Variants in ERCC6 observed in about 807,000 individuals in gnomAD.
ERCC6 encodes DNA excision repair protein ERCC-6.
Under a neutral mutation model 158.7 loss-of-function variants are expected in ERCC6, and 116 were observed. That is an observed-to-expected ratio of 0.73 (90% CI 0.63 to 0.85). The LOEUF (loss-of-function observed/expected upper bound fraction) is 0.85, where lower values mean the gene tolerates loss of function less well. Ranked by LOEUF, ERCC6 falls within the 40% of genes least tolerant of loss-of-function variation. The pLI is 0.00. For synonymous variants in ERCC6, 678 were observed against 659.3 expected, an observed-to-expected ratio of 1.03 and a Z score of -0.43; for missense variants, 1,698 against 1,799.4, an observed-to-expected ratio of 0.94 and a Z score of 1.02.
At chr10:49,463,896 T>C (rs1002873823) in intron 18 of ERCC6, among the ~76,000 whole-genome samples, 1 of 152,180 alleles carries the variant, frequency 6.6e-6, no homozygotes, top group Non-Finnish European at 1.5e-5. Flanking sequence ...CCTCTTTCTT[T>C]TGTAAATTGC....
Position 49,482,731 on chromosome 10 carries a change from C to A in ERCC6, c.2125G>T (p.Val709Phe). The A allele has an allele frequency of 6.2e-7, 1 of 1,613,616 alleles. No homozygotes were observed. Among genetic ancestry groups the A allele is most frequent in the Non-Finnish European group, 8.5e-7 (1 of 1,179,944 alleles). ...GAATATCCCCCCATGGTGATGGGGA[C>A]GGAGAACTGCTCCATAAACACAGGC... ...TLPVFMEQFS[V>F]PITMGGYSNA... Residue 709 changes from valine to phenylalanine, a missense_variant, in exon 10 of 21, where the codon GTC becomes TTC. Val to Phe is a conservative substitution (Grantham distance 50). Transcript: ENST00000355832.
chr10:49,470,426 A>C lies in ERCC6; in HGVS notation c.3534T>G (p.Phe1178Leu). The change falls in exon 18 of 21, where the codon TTT becomes TTG. Residue 1178 changes from phenylalanine (F) to leucine (L), a missense_variant. Physicochemically the swap from Phe to Leu is conservative, Grantham distance 22. Coordinates refer to ENST00000355832, the MANE Select transcript of ERCC6 (RefSeq NM_000124.4). ...GTTTTGTTTTTGACTTGTGCTTATA[A>C]AAATTATTTTCCATTTGTTTATTCT... ...FWENKQMENN[F>L]YKHKSKTKHH... 2 of 1,614,076 alleles carry C rather than the reference A, an allele frequency of 1.2e-6. No homozygotes were observed. The highest frequency in any genetic ancestry group is 1.7e-6 in the Non-Finnish European group (2 of 1,180,012).
At chr10:49,498,955 C>CA (rs1247840185) in intron 7 of ERCC6, among the ~76,000 whole-genome samples, 1 of 152,068 alleles carries the variant, frequency 6.6e-6, no homozygotes, top group African/African-American at 2.4e-5. Context: ...GTCTAGTTAC[C>CA]AAAAACACCC....
chr10:49,451,878 G>C (rs1302541752), downstream of ERCC6, among the ~76,000 whole-genome samples: 1 of 152,026 alleles, frequency 6.6e-6, no homozygotes, highest in African/African-American at 2.4e-5. Flanking sequence ...TATTCTTTGT[G>C]GGCAATTTTC....
intron 7 of ERCC6, among the ~76,000 whole-genome samples, chr10:49,496,733 G>A (rs1457044366): frequency 2.6e-5 from 4 of 152,088 alleles, no homozygotes; most frequent in African/African-American, 4.8e-5. Flanking sequence ...ACTTGAACCC[G>A]GGAGGCGGAG....
chr10:49,521,807 C>T (rs1202779333), intron 5 of ERCC6, among the ~76,000 whole-genome samples: 1 of 152,168 alleles, frequency 6.6e-6, no homozygotes, highest in Non-Finnish European at 1.5e-5. Context: ...AAAGCAGGAT[C>T]CAAAGGGCGA....
intron 8 of ERCC6, among the ~76,000 whole-genome samples, chr10:49,490,472 A>G (rs971617581): frequency 1.3e-5 from 2 of 150,848 alleles, no homozygotes; most frequent in African/African-American, 4.9e-5. Context: ...CTCCTGCCTC[A>G]GCCTCCCGAG....
At chr10:49,483,937 A>G (rs1851030568) in intron 8 of ERCC6, among the ~76,000 whole-genome samples, 1 of 152,140 alleles carries the variant, frequency 6.6e-6, no homozygotes, top group Admixed American at 6.5e-5. Context: ...ATGTATAACA[A>G]GAATTCCAGG....
chr10:49,509,206 G>A (rs142978212), intron 5 of ERCC6, among the ~76,000 whole-genome samples: 1 of 152,264 alleles, frequency 6.6e-6, no homozygotes, highest in African/African-American at 2.4e-5. Flanking sequence ...GATTAAATAA[G>A]GTGTCACATA....
In ERCC6 at chr10:49,470,244, T is replaced by C; in HGVS notation, c.3716A>G (p.Lys1239Arg). 1 of 1,614,172 alleles carries C rather than the reference T, an allele frequency of 6.2e-7. No individual in the cohort carries two copies. The highest frequency in any genetic ancestry group is 1.1e-5 in the South Asian group (1 of 91,068). Residue 1239 changes from lysine (K) to arginine (R), a missense_variant, in exon 18 of 21, where the codon AAG becomes AGG. Lys to Arg is a conservative substitution (Grantham distance 26). Transcript: ENST00000355832. ...ATTGCTCTGTTCCTTGGCCTCACTC[T>C]TGTTTTCACTGTCTTGCTTCTGGTA... ...RRYQKQDSENKSEAKEQSNDD... is the reference protein window; with the variant it reads ...RRYQKQDSENRSEAKEQSNDD...
chr10:49,515,641 C>A, intron 5 of ERCC6: 1 of 1,614,010 alleles, frequency 6.2e-7, no homozygotes, highest in South Asian at 1.1e-5. Context: ...AAGACCAGTT[C>A]GAAACAGAAC....
chr10:49,442,249 C>T, the ERCC6 span, among the ~76,000 whole-genome samples: 1 of 152,370 alleles, frequency 6.6e-6, no homozygotes, highest in Non-Finnish European at 1.5e-5. Context: ...AGGTGGACCC[C>T]CGCCCTCTCG....
At chr10:49,452,219 A>G (rs1469912475), downstream of ERCC6, among the ~76,000 whole-genome samples, 1 of 151,894 alleles carries the variant, frequency 6.6e-6, no homozygotes, top group Non-Finnish European at 1.5e-5. Flanking sequence ...TTTCTTCCTT[A>G]ATACAGGCAT....
At chr10:49,491,501 G>A (rs1378336990) in intron 8 of ERCC6, among the ~76,000 whole-genome samples, 1 of 152,188 alleles carries the variant, frequency 6.6e-6, no homozygotes, top group Non-Finnish European at 1.5e-5. Context: ...AAGTGTCTGT[G>A]AAGGTAAAAC....
At chr10:49,462,848 T>C (rs1048105362) in intron 18 of ERCC6, among the ~76,000 whole-genome samples, 3 of 152,234 alleles carry the variant, frequency 2.0e-5, no homozygotes, top group African/African-American at 7.2e-5. Flanking sequence ...GGGCAACAAC[T>C]GCTCGTGACA....
At position 49,456,989 on chromosome 10, in the gene ERCC6, G is replaced by A. The variant is rs1850493944; in HGVS notation, c.*1826C>T. On this transcript the variant is annotated 3_prime_UTR_variant, in exon 21 of 21. Coordinates refer to ENST00000355832, the MANE Select transcript of ERCC6 (RefSeq NM_000124.4). Reference sequence around the variant, plus strand: ...TTGATAGTATTTGCTACTTGAAGAGGAGGCTATACCTTGTCTAGCTCAATA... The same window carrying A: ...TTGATAGTATTTGCTACTTGAAGAGAAGGCTATACCTTGTCTAGCTCAATA... 1 of 152,172 alleles carries A rather than the reference G, an allele frequency of 6.6e-6. No homozygotes were observed. Among genetic ancestry groups the A allele is most frequent in the South Asian group, 2.1e-4 (1 of 4,820 alleles). 9.4% of individuals were successfully genotyped at this position (152,172 alleles called of 1,614,324 possible).
At chr10:49,479,088 G>A (rs1850930625) in intron 10 of ERCC6, among the ~76,000 whole-genome samples, 1 of 151,462 alleles carries the variant, frequency 6.6e-6, no homozygotes, top group Admixed American at 6.6e-5. Context: ...ACGGCCACAT[G>A]AGATGAGTAC....
Position 49,455,188 on chromosome 10 carries a change from G to C in ERCC6, c.*3627C>G, listed in dbSNP as rs970665984. 6.6e-6 allele frequency among the ~76,000 whole-genome samples: 1 copy of C among 151,906 alleles called. No individual in the cohort carries two copies. Among genetic ancestry groups the C allele is most frequent in the Non-Finnish European group, 1.5e-5 (1 of 67,994 alleles). ...AAACTAAAAATCTATAAAACACCTAGGAATAAGCCTATTATGAAATGTGCA... is the reference window on the plus strand; with the variant it reads ...AAACTAAAAATCTATAAAACACCTACGAATAAGCCTATTATGAAATGTGCA... On this transcript the variant is annotated 3_prime_UTR_variant, in exon 21 of 21. Coordinates refer to ENST00000355832, the MANE Select transcript of ERCC6 (RefSeq NM_000124.4).
chr10:49,472,498 A>C (rs759987640), intron 15 of ERCC6, 28 bp from the exon 16 acceptor site: 11 of 1,602,746 alleles, frequency 6.9e-6, no homozygotes, highest in African/African-American at 2.7e-5. Context: ...AGACCTCTCA[A>C]CGAGAATCCT....
Sources: gnomAD v4.1 joint callset for allele counts (sites outside exome capture counted in the v4.1 genomes callset) on GRCh38, gnomAD v4.1.1 for gene constraint, MANE v1.5 for transcripts, NCBI Gene and HGNC (gene_info 2026-07-23, HGNC 2026-07-21) for gene names.